Variants in ARL17A observed in about 807,000 individuals in gnomAD.
ARL17A encodes ADP-ribosylation factor-like 17-like.
rs1471367874 is a variant in ARL17A at position 46,575,031 on chromosome 17, G to A, written c.148+1144C>T. 9.4e-4 allele frequency among the ~76,000 whole-genome samples: 74 copies of A among 78,974 alleles called. 1 individual carries two copies. Among genetic ancestry groups the A allele is most frequent in the Middle Eastern group, 8.1e-3 (1 of 124 alleles). 51.8% of individuals were successfully genotyped at this position (78,974 alleles called of 152,430 possible). A position where few individuals can be genotyped will look rare whatever the true frequency, so the allele number is the denominator to read the frequency against. ...GAATCGCCTGAACCCAGGAGGCGGA[G>A]GTTGTAGTGAGCCGAGATCGCGCCA... On this transcript the variant is annotated intron_variant, in intron 2 of 3. Transcript: ENST00000336125.
chr17:46,543,502 G>A (rs1419396282), intron 3 of ARL17A, among the ~76,000 whole-genome samples: 10 of 150,864 alleles, frequency 6.6e-5, no homozygotes, highest in South Asian at 2.1e-4. Flanking sequence ...TATACGGACC[G>A]CATAGTAGAC....
chr17:46,527,096 G>GT (rs1395597967), downstream of ARL17A, among the ~76,000 whole-genome samples: 1 of 38,270 alleles, frequency 2.6e-5, no homozygotes, highest in Non-Finnish European at 6.3e-5. Flanking sequence ...ACTTTGCAAT[G>GT]TAGAAAGGCT....
downstream of ARL17A, among the ~76,000 whole-genome samples, chr17:46,516,508 G>T (rs2051355363): frequency 6.9e-6 from 1 of 144,686 alleles, no homozygotes; most frequent in African/African-American, 2.7e-5. Context: ...GGAGAAAAAT[G>T]GGAGTACAGT....
At chr17:46,547,118 C>T (rs1598505259) in intron 3 of ARL17A, 2 of 28,426 alleles carry the variant, frequency 7.0e-5, no homozygotes, top group African/African-American at 1.9e-4. Context: ...ATTAATAATG[C>T]TTGGTTACAT....
chr17:46,549,236 G>C (rs2056550959), downstream of ARL17A: 2 of 1,611,116 alleles, frequency 1.2e-6, no homozygotes, highest in African/African-American at 2.7e-5. Context: ...GGAGACCTGA[G>C]TCCTCAAGAA....
intron 4 of ARL17A, among the ~76,000 whole-genome samples, chr17:46,529,550 G>C (rs74872168): frequency 2.2e-5 from 2 of 91,050 alleles, no homozygotes; most frequent in South Asian, 7.7e-4. Context: ...GCTCATGCCT[G>C]TAATCCCAGC....
chr17:46,558,614 C>T (rs1274276207), intron 3 of ARL17A, among the ~76,000 whole-genome samples: 1 of 122,176 alleles, frequency 8.2e-6, no homozygotes, highest in Non-Finnish European at 1.7e-5. Context: ...TAGTCTTGAA[C>T]TCCTGACCTC....
At chr17:46,545,923 C>T (rs1299912989) in intron 3 of ARL17A, among the ~76,000 whole-genome samples, 1 of 148,834 alleles carries the variant, frequency 6.7e-6, no homozygotes, top group Non-Finnish European at 1.5e-5. Flanking sequence ...CTTATTCAGA[C>T]TTCTTAAAAG....
chr17:46,525,626 C>G (rs1221398543), downstream of ARL17A, among the ~76,000 whole-genome samples: 1 of 121,316 alleles, frequency 8.2e-6, no homozygotes, highest in Admixed American at 8.1e-5. Flanking sequence ...TCATCATCAT[C>G]ATCATCATCA....
In ARL17A at chr17:46,530,017, C is replaced by T. The variant is rs1286858344; in HGVS notation, c.336-1158G>A. On this transcript the variant is annotated intron_variant, in intron 4 of 4. Coordinates refer to the ARL17A transcript ENST00000329240. ...TTGGAGGAAAGATAACAAACTTTGC[C>T]AAGTTGTTTGGCTACATACTGCCTT... 6.5e-4 allele frequency among the ~76,000 whole-genome samples: 92 copies of T among 141,684 alleles called. No individual in the cohort carries two copies. In the East Asian group the frequency reaches 8.2e-3, roughly 13 times the overall value. 93.0% of individuals were successfully genotyped at this position (141,684 alleles called of 152,430 possible).
chr17:46,541,302 A>T (rs570553238), intron 3 of ARL17A, among the ~76,000 whole-genome samples: 1 of 150,100 alleles, frequency 6.7e-6, no homozygotes, highest in South Asian at 2.1e-4. Context: ...CCCAGGCTGC[A>T]GTGCAGCGGC....
At chr17:46,500,847 T>C in the ARL17A span, among the ~76,000 whole-genome samples, 1 of 151,158 alleles carries the variant, frequency 6.6e-6, no homozygotes, top group East Asian at 1.9e-4. Flanking sequence ...TTTCTCAAAG[T>C]ATGGTTCCCC....
At chr17:46,541,046 A>G (rs1286467548) in intron 3 of ARL17A, among the ~76,000 whole-genome samples, 1 of 128,580 alleles carries the variant, frequency 7.8e-6, no homozygotes, top group East Asian at 2.3e-4. Context: ...TTACATAACC[A>G]CCACCACATT....
chr17:46,529,557 C>T (rs2145154542), intron 4 of ARL17A, among the ~76,000 whole-genome samples: 1 of 84,360 alleles, frequency 1.2e-5, no homozygotes, highest in Non-Finnish European at 3.0e-5. Flanking sequence ...CCTGTAATCC[C>T]AGCACTTTAA....
the ARL17A span, among the ~76,000 whole-genome samples, chr17:46,501,025 C>CA: frequency 1.2e-3 from 185 of 151,144 alleles, 7 homozygotes; most frequent in African/African-American, 4.1e-3. Flanking sequence ...ACTAAAAATA[C>CA]AAAAAAAATT....
At chr17:46,552,752 T>G (rs559865205), downstream of ARL17A, 1 of 91,422 alleles carries the variant, frequency 1.1e-5, no homozygotes, top group African/African-American at 4.0e-5. Context: ...ATATAACAAC[T>G]GTCAACAATG....
chr17:46,544,776 C>T (rs2048476), intron 3 of ARL17A, among the ~76,000 whole-genome samples: 50,734 of 87,236 alleles, frequency 0.58, 17,235 homozygotes, highest in South Asian at 0.79. Context: ...TTGTCTCGGT[C>T]ACCTCTTTTG....
At chr17:46,533,406 T>C (rs2054013647) in intron 4 of ARL17A, among the ~76,000 whole-genome samples, 1 of 121,516 alleles carries the variant, frequency 8.2e-6, no homozygotes, top group Non-Finnish European at 1.6e-5. Flanking sequence ...CACCCCCTCC[T>C]TTATACTGTT....
the ARL17A span, among the ~76,000 whole-genome samples, chr17:46,506,176 CAATT>C: frequency 2.2e-5 from 3 of 135,764 alleles, no homozygotes; most frequent in East Asian, 2.2e-4. Context: ...AAAGGGTACT[CAATT>C]GATAACTGAC....
Sources: gnomAD v4.1 joint callset for allele counts (sites outside exome capture counted in the v4.1 genomes callset) on GRCh38, gnomAD v4.1.1 for gene constraint, MANE v1.5 for transcripts, NCBI Gene and HGNC (gene_info 2026-07-23, HGNC 2026-07-21) for gene names.